Variants in MAP4K4 observed in about 807,000 individuals in gnomAD.
MAP4K4 encodes the protein HPK/GCK-like kinase HGK.
A neutral mutation model predicts 189.6 loss-of-function variants in MAP4K4; 38 were observed. That is an observed-to-expected ratio of 0.20 (90% CI 0.15 to 0.26). The LOEUF is 0.26. MAP4K4 is among the 10% of genes least tolerant of loss of function. The pLI is 1.00. For synonymous variants in MAP4K4, 610 were observed against 624.3 expected, an observed-to-expected ratio of 0.98 and a Z score of 0.34; for missense variants, 1,054 against 1,726.9, an observed-to-expected ratio of 0.61 and a Z score of 6.91.
chr2:101,791,893 A>G (rs897125782), intron 3 of MAP4K4, among the ~76,000 whole-genome samples: 3 of 152,234 alleles, frequency 2.0e-5, no homozygotes, highest in African/African-American at 4.8e-5. Context: ...AAAGAGAATA[A>G]TGGGTACTTT....
chr2:101,849,387 C>G (rs2097208250), intron 12 of MAP4K4, among the ~76,000 whole-genome samples: 1 of 152,120 alleles, frequency 6.6e-6, no homozygotes, highest in Non-Finnish European at 1.5e-5. Context: ...CCTCAGCCTC[C>G]CAAAGTGCTG....
chr2:101,828,021 G>T (rs2096439549), intron 5 of MAP4K4, among the ~76,000 whole-genome samples: 2 of 152,192 alleles, frequency 1.3e-5, no homozygotes, highest in South Asian at 4.1e-4. Context: ...CTTCATGGAA[G>T]AAAAATGTAC....
intron 7 of MAP4K4, among the ~76,000 whole-genome samples, chr2:101,832,352 G>A (rs1450390735): frequency 6.6e-6 from 1 of 152,012 alleles, no homozygotes; most frequent in Admixed American, 6.5e-5. Context: ...ACCCATATTT[G>A]ATATCAAACT....
At chr2:101,887,351 G>A (rs1225571010) in intron 30 of MAP4K4, 114 bp downstream of exon 30, 6 of 1,065,426 alleles carry the variant, frequency 5.6e-6, no homozygotes, top group Non-Finnish European at 6.7e-6. Context: ...CCCTTGGTGT[G>A]GGGGTGAGTA....
intron 2 of MAP4K4, among the ~76,000 whole-genome samples, chr2:101,762,897 G>A (rs2077090405): frequency 6.6e-6 from 1 of 152,134 alleles, no homozygotes; most frequent in Admixed American, 6.6e-5. Context: ...AGCTGTTTTG[G>A]GCTGGTGGGG....
At chr2:101,804,150 G>A (rs755497868) in intron 3 of MAP4K4, among the ~76,000 whole-genome samples, 3 of 152,140 alleles carry the variant, frequency 2.0e-5, no homozygotes, top group Non-Finnish European at 2.9e-5. Flanking sequence ...TGTGCCACAG[G>A]TCAGACTCTC....
intron 3 of MAP4K4, among the ~76,000 whole-genome samples, chr2:101,791,000 C>T (rs910851752): frequency 6.6e-6 from 1 of 152,174 alleles, no homozygotes. Flanking sequence ...ACACGCAGTG[C>T]ACACACACAT....
At chr2:101,811,346 T>G (rs1454783072) in intron 3 of MAP4K4, among the ~76,000 whole-genome samples, 1 of 115,792 alleles carries the variant, frequency 8.6e-6, no homozygotes, top group Admixed American at 1.3e-4. Flanking sequence ...CATTCCAGCA[T>G]GGCGACAGAG....
intron 2 of MAP4K4, among the ~76,000 whole-genome samples, chr2:101,727,371 T>G (rs1012954733): frequency 3.3e-5 from 5 of 152,208 alleles, no homozygotes; most frequent in African/African-American, 1.2e-4. Context: ...ACAAAAAATG[T>G]TATTTCCACA....
At chr2:101,871,899 CACTGTTT>C (rs374473205) in intron 24 of MAP4K4, among the ~76,000 whole-genome samples, 55 of 152,310 alleles carry the variant, frequency 3.6e-4, no homozygotes, top group African/African-American at 1.2e-3. Context: ...CTTGCCAGTT[CACTGTTT>C]ACTGTTCTGT....
intron 22 of MAP4K4, 53 bp downstream of exon 22, chr2:101,869,850 T>C: frequency 6.8e-7 from 1 of 1,467,918 alleles, no homozygotes; most frequent in Non-Finnish European, 9.0e-7. Flanking sequence ...CAGAGCCTGC[T>C]TTCCACTGGG....
chr2:101,820,221 T>A (rs899214717), intron 3 of MAP4K4, among the ~76,000 whole-genome samples: 1 of 152,148 alleles, frequency 6.6e-6, no homozygotes, highest in African/African-American at 2.4e-5. Flanking sequence ...GAATCATAGG[T>A]AGCATTTCTT....
At chr2:101,770,959 C>G (rs1256074073) in intron 2 of MAP4K4, among the ~76,000 whole-genome samples, 5 of 152,188 alleles carry the variant, frequency 3.3e-5, no homozygotes, top group African/African-American at 1.2e-4. Context: ...TGTGTAGGCT[C>G]TACCTGATTG....
chr2:101,817,347 G>T (rs1233618240), intron 3 of MAP4K4, among the ~76,000 whole-genome samples: 2 of 152,240 alleles, frequency 1.3e-5, no homozygotes, highest in East Asian at 3.9e-4. Flanking sequence ...TTGTCATGTG[G>T]TGCTTTTTGG....
At chr2:101,769,433 ATAAG>A (rs1223973898) in intron 2 of MAP4K4, among the ~76,000 whole-genome samples, 2 of 152,136 alleles carry the variant, frequency 1.3e-5, no homozygotes, top group South Asian at 4.1e-4. Flanking sequence ...TAAGGTAAGG[ATAAG>A]TTAACGGGAG....
intron 2 of MAP4K4, among the ~76,000 whole-genome samples, chr2:101,712,903 C>CTTT (rs34317575): frequency 3.1e-5 from 4 of 130,570 alleles, no homozygotes; most frequent in African/African-American, 5.7e-5. Flanking sequence ...AAACCAAAAT[C>CTTT]TTTTTTTTTT....
intron 11 of MAP4K4, among the ~76,000 whole-genome samples, chr2:101,843,724 G>GTA (rs1425716719): frequency 6.6e-6 from 1 of 152,094 alleles, no homozygotes; most frequent in African/African-American, 2.4e-5. Context: ...AAGGAATGGT[G>GTA]TAAACACTGA....
intron 2 of MAP4K4, among the ~76,000 whole-genome samples, chr2:101,759,456 A>ATTTCCC (rs1271196471): frequency 9.8e-5 from 12 of 122,286 alleles, no homozygotes; most frequent in East Asian, 2.5e-4. Flanking sequence ...TCCCTTTGCC[A>ATTTCCC]TTTCCCTTTC....
At chr2:101,730,587 A>G (rs138040340) in intron 2 of MAP4K4, among the ~76,000 whole-genome samples, 61 of 152,242 alleles carry the variant, frequency 4.0e-4, no homozygotes, top group African/African-American at 1.4e-3. Context: ...GGTGGGATGA[A>G]TGCCCAGCAG....
Sources: gnomAD v4.1 joint callset for allele counts (sites outside exome capture counted in the v4.1 genomes callset) on GRCh38, gnomAD v4.1.1 for gene constraint, MANE v1.5 for transcripts, NCBI Gene and HGNC (gene_info 2026-07-23, HGNC 2026-07-21) for gene names.